Variants in SUMF1 observed in about 807,000 individuals in gnomAD.
SUMF1 encodes formylglycine-generating enzyme.
A neutral mutation model predicts 47.6 loss-of-function variants in SUMF1; 48 were observed. That is an observed-to-expected ratio of 1.01 (90% confidence interval 0.80 to 1.28). The LOEUF (loss-of-function observed/expected upper bound fraction) is 1.28. SUMF1 is among the 50% of genes most tolerant of loss of function. The pLI is 0.00. For missense variants in SUMF1, 571 were observed against 485.4 expected, an observed-to-expected ratio of 1.18 and a Z score of -1.66; for synonymous variants, 230 against 192.1, an observed-to-expected ratio of 1.20 and a Z score of -1.63.
intron 9 of SUMF1, among the ~76,000 whole-genome samples, chr3:4,041,273 T>C (rs778218025): frequency 6.6e-6 from 1 of 152,184 alleles, no homozygotes; most frequent in Admixed American, 6.5e-5. Context: ...GCTTTCACCA[T>C]GTTGGCCAGG....
chr3:4,319,464 A>G (rs1698774548), intron 8 of SUMF1, among the ~76,000 whole-genome samples: 2 of 152,198 alleles, frequency 1.3e-5, no homozygotes, highest in South Asian at 4.1e-4. Flanking sequence ...AATTATGATG[A>G]ATGAGGGGGT....
chr3:4,338,504 G>A (rs1258480271), intron 8 of SUMF1, among the ~76,000 whole-genome samples: 1 of 152,090 alleles, frequency 6.6e-6, no homozygotes, highest in Non-Finnish European at 1.5e-5. Context: ...ATTCACAAAC[G>A]TTTGTCAAGA....
chr3:4,367,824 C>A (rs1046549055), intron 8 of SUMF1, among the ~76,000 whole-genome samples: 4 of 151,534 alleles, frequency 2.6e-5, no homozygotes, highest in African/African-American at 9.7e-5. Context: ...ACACCTTATA[C>A]AAAAATTAAT....
At chr3:4,312,982 C>T in intron 8 of SUMF1, 2 of 1,613,976 alleles carry the variant, frequency 1.2e-6, no homozygotes, top group Non-Finnish European at 1.7e-6. Flanking sequence ...TGTCAAAACT[C>T]CCTGCCTCCC....
chr3:4,426,544 T>C (rs1392840738), intron 3 of SUMF1, among the ~76,000 whole-genome samples: 1 of 152,222 alleles, frequency 6.6e-6, no homozygotes, highest in Non-Finnish European at 1.5e-5. Context: ...ATAAGTGCTA[T>C]TCTACTAGGT....
intron 8 of SUMF1, among the ~76,000 whole-genome samples, chr3:4,163,965 A>G (rs925568205): frequency 6.6e-6 from 1 of 152,150 alleles, no homozygotes; most frequent in African/African-American, 2.4e-5. Context: ...GCCAAACAGA[A>G]AGTCAGCAAA....
intron 8 of SUMF1, among the ~76,000 whole-genome samples, chr3:4,111,042 T>C (rs1459106134): frequency 6.6e-6 from 1 of 150,742 alleles, no homozygotes; most frequent in African/African-American, 2.4e-5. Flanking sequence ...AGGGAGAGAT[T>C]AAAATATTTC....
intron 7 of SUMF1, among the ~76,000 whole-genome samples, chr3:4,379,402 G>C (rs1272949526): frequency 6.6e-6 from 1 of 152,208 alleles, no homozygotes; most frequent in East Asian, 1.9e-4. Context: ...ATGGAGGCAG[G>C]GACTGGAGTG....
At chr3:4,166,779 G>A (rs988479710) in intron 8 of SUMF1, among the ~76,000 whole-genome samples, 1 of 152,096 alleles carries the variant, frequency 6.6e-6, no homozygotes, top group Non-Finnish European at 1.5e-5. Flanking sequence ...GGACCCGAGA[G>A]CTGAATGGCT....
intron 8 of SUMF1, among the ~76,000 whole-genome samples, chr3:4,086,313 T>C (rs1437798244): frequency 6.6e-6 from 1 of 152,074 alleles, no homozygotes; most frequent in Non-Finnish European, 1.5e-5. Flanking sequence ...ATTATTTTAG[T>C]TTCTTCTCCA....
chr3:4,451,111 A>G (rs996766187), intron 2 of SUMF1, among the ~76,000 whole-genome samples: 3 of 152,120 alleles, frequency 2.0e-5, no homozygotes, highest in East Asian at 3.8e-4. Flanking sequence ...TAAAATAAAT[A>G]GTATTATGAA....
At chr3:4,077,209 G>T (rs1033676795) in intron 8 of SUMF1, among the ~76,000 whole-genome samples, 8 of 152,102 alleles carry the variant, frequency 5.3e-5, no homozygotes, top group African/African-American at 1.9e-4. Flanking sequence ...CTGTTGGTGG[G>T]AGTGTAAATT....
intron 8 of SUMF1, among the ~76,000 whole-genome samples, chr3:4,186,196 G>C (rs986579026): frequency 1.3e-5 from 2 of 152,144 alleles, no homozygotes; most frequent in Non-Finnish European, 2.9e-5. Context: ...AGAGGCTCAT[G>C]CTAATGGGCA....
chr3:4,086,454 A>G (rs1692673777), intron 8 of SUMF1, among the ~76,000 whole-genome samples: 1 of 151,980 alleles, frequency 6.6e-6, no homozygotes, highest in Non-Finnish European at 1.5e-5. Flanking sequence ...AACACTAGGG[A>G]ATTAGAAGAC....
intron 8 of SUMF1, among the ~76,000 whole-genome samples, chr3:4,132,177 G>A (rs1693807442): frequency 6.6e-6 from 1 of 152,084 alleles, no homozygotes; most frequent in African/African-American, 2.4e-5. Context: ...CGCTCACAAT[G>A]CTTCTGTCAA....
intron 8 of SUMF1, among the ~76,000 whole-genome samples, chr3:4,073,585 A>T (rs566969568): frequency 6.6e-6 from 1 of 152,328 alleles, no homozygotes; most frequent in South Asian, 2.1e-4. Context: ...AGTATTCAGG[A>T]GACCCATCTC....
At chr3:4,109,185 G>A (rs1171833004) in intron 8 of SUMF1, among the ~76,000 whole-genome samples, 1 of 151,972 alleles carries the variant, frequency 6.6e-6, no homozygotes, top group Non-Finnish European at 1.5e-5. Context: ...CACTTATGAA[G>A]CTTAGTTTGG....
rs936939756 is a variant in SUMF1, at chr3:4,340,423, T to C, written c.1014+35907A>G. ...CAGAGCTCTACAGACTGTGTAATAG[T>C]TTATGGTCTTCATGAAAGTAAATGG... On this transcript the variant is annotated intron_variant and NMD_transcript_variant, in intron 8 of 12. Transcript: ENST00000448413. Among the ~76,000 whole-genome samples, 12 of 152,178 alleles carry C rather than the reference T, an allele frequency of 7.9e-5. 1 individual carries two copies. Among genetic ancestry groups the C allele is most frequent in the African/African-American group, 2.2e-4 (9 of 41,430 alleles).
chr3:4,409,442 G>A (rs976440974), intron 7 of SUMF1, among the ~76,000 whole-genome samples: 2 of 152,266 alleles, frequency 1.3e-5, no homozygotes, highest in South Asian at 2.1e-4. Context: ...AGAAACACAA[G>A]TAGCTCTAAA....
Sources: allele counts gnomAD v4.1 joint callset (sites outside exome capture counted in the v4.1 genomes callset), GRCh38; gene constraint gnomAD v4.1.1; transcripts MANE v1.5; gene names NCBI Gene and HGNC (gene_info 2026-07-23, HGNC 2026-07-21).